Variants in FBXL13 observed in about 807,000 individuals in gnomAD.
The protein encoded by FBXL13 is F-box and leucine rich repeat protein 13, also known as F-box and leucine-rich repeat protein 13.
Under a neutral mutation model 83.6 loss-of-function variants are expected in FBXL13, and 67 were observed. The observed-to-expected ratio is 0.80, with a 90% CI of 0.66 to 0.98. The LOEUF is 0.98. FBXL13 is among the 50% of genes least tolerant of loss of function. FBXL13 has a pLI of 0.00. For missense variants in FBXL13, 822 were observed against 866.5 expected, an observed-to-expected ratio of 0.95 and a Z score of 0.64; for synonymous variants, 272 against 299.5, an observed-to-expected ratio of 0.91 and a Z score of 0.95.
intron 2 of FBXL13, among the ~76,000 whole-genome samples, chr7:103,036,848 T>G (rs1795124233): frequency 1.3e-5 from 2 of 152,222 alleles, no homozygotes; most frequent in Non-Finnish European, 2.9e-5. Context: ...CTTTTGTGCC[T>G]GGACAGAAAC....
At chr7:102,866,379 A>T (rs1807654267) in intron 16 of FBXL13, among the ~76,000 whole-genome samples, 1 of 152,194 alleles carries the variant, frequency 6.6e-6, no homozygotes, top group African/African-American at 2.4e-5. Flanking sequence ...TGATGGGACC[A>T]ACATAGTCAT....
chr7:102,966,350 T>C (rs1825964934), intron 7 of FBXL13, among the ~76,000 whole-genome samples: 1 of 152,208 alleles, frequency 6.6e-6, no homozygotes, highest in Non-Finnish European at 1.5e-5. Flanking sequence ...TATTGGGTGA[T>C]GCTGATACTA....
chr7:102,947,942 T>C (rs1267350904), intron 8 of FBXL13, among the ~76,000 whole-genome samples: 6 of 152,232 alleles, frequency 3.9e-5, no homozygotes, highest in Admixed American at 1.3e-4. Flanking sequence ...GCACTGCTTT[T>C]TCATTCATTC....
At chr7:102,925,959 A>AAAAAT (rs1818045817) in intron 10 of FBXL13, among the ~76,000 whole-genome samples, 1 of 137,680 alleles carries the variant, frequency 7.3e-6, no homozygotes, top group East Asian at 2.2e-4. Context: ...AAAAAAAAAA[A>AAAAAT]GGTCCCAGAC....
intron 11 of FBXL13, among the ~76,000 whole-genome samples, chr7:102,909,643 C>A (rs1354122536): frequency 6.6e-6 from 1 of 152,174 alleles, no homozygotes; most frequent in Non-Finnish European, 1.5e-5. Flanking sequence ...TTCAAGGCAG[C>A]AGGTTCCCTT....
intron 18 of FBXL13, among the ~76,000 whole-genome samples, chr7:102,828,640 G>T (rs1584475170): frequency 6.6e-6 from 1 of 152,072 alleles, no homozygotes; most frequent in Non-Finnish European, 1.5e-5. Context: ...TAAAATGAGG[G>T]TAATTTAAAA....
chr7:102,885,136 G>A (rs1668321325), intron 11 of FBXL13, among the ~76,000 whole-genome samples: 2 of 151,938 alleles, frequency 1.3e-5, no homozygotes. Flanking sequence ...AATTCTTTTG[G>A]GTATATATTT....
At chr7:103,018,322 A>T (rs1391751494) in intron 6 of FBXL13, among the ~76,000 whole-genome samples, 7 of 152,322 alleles carry the variant, frequency 4.6e-5, no homozygotes, top group Admixed American at 4.6e-4. Flanking sequence ...CTCCTGAAGG[A>T]AGCACTAAAC....
intron 6 of FBXL13, among the ~76,000 whole-genome samples, chr7:103,023,236 A>G (rs1363696441): frequency 6.6e-6 from 1 of 152,206 alleles, no homozygotes; most frequent in Non-Finnish European, 1.5e-5. Flanking sequence ...AGATCGCGCC[A>G]CTGCACTCCA....
intron 15 of FBXL13, 125 bp downstream of exon 16, chr7:102,878,206 C>T: frequency 1.3e-6 from 1 of 745,764 alleles, no homozygotes; most frequent in South Asian, 4.4e-5. Context: ...GAACATTTAA[C>T]CAGCTTCTGG....
At chr7:102,925,072 A>C (rs1464166987) in intron 10 of FBXL13, among the ~76,000 whole-genome samples, 1 of 152,236 alleles carries the variant, frequency 6.6e-6, no homozygotes. Flanking sequence ...TAGTGTGATC[A>C]TATACCCTTC....
intron 14 of FBXL13, among the ~76,000 whole-genome samples, chr7:102,881,856 G>A (rs911443917): frequency 6.6e-6 from 1 of 152,136 alleles, no homozygotes; most frequent in African/African-American, 2.4e-5. Context: ...CCCTTGGCTG[G>A]AGCCCTCATT....
chr7:103,010,255 C>A (rs1453910721), intron 6 of FBXL13, among the ~76,000 whole-genome samples: 1 of 152,068 alleles, frequency 6.6e-6, no homozygotes, highest in Admixed American at 6.5e-5. Context: ...CCCAGTGTTC[C>A]CACTCCTATG....
At chr7:102,934,481 G>A (rs769485785) in intron 8 of FBXL13, 10 of 1,614,016 alleles carry the variant, frequency 6.2e-6, no homozygotes, top group African/African-American at 2.7e-5. Flanking sequence ...GGGGAACTAC[G>A]CCAAGTGTGA....
intron 16 of FBXL13, among the ~76,000 whole-genome samples, chr7:102,876,422 G>T (rs768516297): frequency 1.3e-5 from 2 of 152,136 alleles, no homozygotes; most frequent in Non-Finnish European, 2.9e-5. Flanking sequence ...ACTCATGGAC[G>T]ATATGGAAGG....
At chr7:102,983,874 C>G (rs1828599043) in intron 6 of FBXL13, among the ~76,000 whole-genome samples, 1 of 152,158 alleles carries the variant, frequency 6.6e-6, no homozygotes, top group Non-Finnish European at 1.5e-5. Context: ...GGAGATAAGA[C>G]TCTCCCTCAG....
chr7:103,020,443 C>T (rs530930453), intron 6 of FBXL13, among the ~76,000 whole-genome samples: 2 of 152,280 alleles, frequency 1.3e-5, no homozygotes, highest in Admixed American at 6.5e-5. Flanking sequence ...CTCACCACTC[C>T]GATTCAACAT....
intron 11 of FBXL13, among the ~76,000 whole-genome samples, chr7:102,911,547 G>A (rs1214908730): frequency 1.3e-5 from 2 of 152,160 alleles, no homozygotes; most frequent in East Asian, 3.9e-4. Flanking sequence ...CCACCCACAG[G>A]AACTGAGAGA....
chr7:103,020,222 A>G (rs1027314799), intron 6 of FBXL13, among the ~76,000 whole-genome samples: 15 of 152,298 alleles, frequency 9.8e-5, no homozygotes, highest in African/African-American at 3.6e-4. Context: ...AAAGGCAAAA[A>G]CCACATGATT....
Sources: allele counts gnomAD v4.1 joint callset (sites outside exome capture counted in the v4.1 genomes callset), GRCh38; gene constraint gnomAD v4.1.1; transcripts MANE v1.5; gene names NCBI Gene and HGNC (gene_info 2026-07-23, HGNC 2026-07-21).